Variants in MICALL1 observed in about 807,000 individuals in gnomAD.
MICALL1 encodes the protein MICAL like 1, also known as MICAL-like protein 1.
MICALL1 carries 61 observed loss-of-function variants against 83.7 expected under a neutral mutation model. That is an observed-to-expected ratio of 0.73 (90% CI 0.59 to 0.90). The LOEUF (loss-of-function observed/expected upper bound fraction) is 0.90. Ranked by LOEUF, MICALL1 falls within the 40% of genes least tolerant of loss-of-function variation. MICALL1 has a pLI of 0.00. For synonymous variants in MICALL1, 481 were observed against 473.6 expected, an observed-to-expected ratio of 1.02 and a Z score of -0.20; for missense variants, 1,066 against 1,152.0, an observed-to-expected ratio of 0.93 and a Z score of 1.08.
At chr22:37,919,281 G>GA in intron 5 of MICALL1, 103 bp downstream of exon 5, 1 of 1,330,384 alleles carries the variant, frequency 7.5e-7, no homozygotes, top group South Asian at 1.8e-5. Context: ...CTTCACACCA[G>GA]AGCCCCTGGC....
At chr22:37,917,878 C>A in intron 4 of MICALL1, 83 bp downstream of exon 4, 1 of 1,234,076 alleles carries the variant, frequency 8.1e-7, no homozygotes, top group Non-Finnish European at 1.2e-6. Flanking sequence ...GTGACTGGGT[C>A]ATGTGAGGAA....
At chr22:37,910,770 C>T (rs1928269111) in intron 1 of MICALL1, among the ~76,000 whole-genome samples, 1 of 152,058 alleles carries the variant, frequency 6.6e-6, no homozygotes, top group African/African-American at 2.4e-5. Flanking sequence ...TACCTGGCTC[C>T]CTCATATCTG....
rs1930478525 is a variant in MICALL1 at position 37,942,425 on chromosome 22, C to T, written c.*1595C>T. On this transcript the variant is annotated 3_prime_UTR_variant, in exon 16 of 16. Transcript: ENST00000215957. ...GGGCTGAATGTGGGCCCGGTGTTGC[C>T]AGATCCTTTGTCATAAGAAGCTAGA... 6.6e-6 allele frequency: 1 copy of T among 152,094 alleles called. No homozygotes were observed. Among genetic ancestry groups the T allele is most frequent in the African/African-American group, 2.4e-5 (1 of 41,394 alleles). 9.4% of individuals were successfully genotyped at this position (152,094 alleles called of 1,614,324 possible).
chr22:37,937,246 G>A (rs1930181880), intron 14 of MICALL1, 52 bp downstream of exon 14: 13 of 1,442,524 alleles, frequency 9.0e-6, no homozygotes, highest in Non-Finnish European at 1.2e-5. Context: ...AGCAGGTCAG[G>A]CTCTGGGCCT....
In MICALL1 at chr22:37,941,953, C is replaced by T. The variant is rs1930460289; in HGVS notation, c.*1123C>T. On this transcript the variant is annotated 3_prime_UTR_variant, in exon 16 of 16. Coordinates refer to ENST00000215957, the MANE Select transcript of MICALL1 (RefSeq NM_033386.4). ...TCTACACACCTCTGGGAAAAGATTA[C>T]ACTGTATTAACTCTCGAGGAGTTTC... The T allele has an allele frequency of 1.3e-5, 2 of 152,276 alleles. No homozygotes were observed. The highest frequency in any genetic ancestry group is 6.5e-5 in the Admixed American group (1 of 15,282). 9.4% of individuals were successfully genotyped at this position (152,276 alleles called of 1,614,324 possible).
rs1317513265 is a variant in MICALL1 at position 37,906,741 on chromosome 22, G to T, written c.146+173G>T. ...GGCGGGTCCCTGAGACCCCGGCCCA[G>T]GGCGCCCCTCCCCCGCCCGGCCGCC... On this transcript the variant is annotated intron_variant, in intron 1 of 15. Transcript: ENST00000215957. The surrounding 1 kb of genome is among the most constrained non-coding windows in gnomAD (Gnocchi z 4.4). 1 of 420,720 alleles carries T rather than the reference G, an allele frequency of 2.4e-6. No homozygotes were observed. Among genetic ancestry groups the T allele is most frequent in the Non-Finnish European group, 3.4e-6 (1 of 292,364 alleles). 26.1% of individuals were successfully genotyped at this position (420,720 alleles called of 1,614,324 possible). A position where few individuals can be genotyped will look rare whatever the true frequency, so the allele number is the denominator to read the frequency against.
intron 9 of MICALL1, 145 bp from the exon 10 acceptor site, chr22:37,931,654 C>A: frequency 1.1e-6 from 1 of 905,102 alleles, no homozygotes; most frequent in South Asian, 1.6e-5. Context: ...GCATCAGAGA[C>A]GGAATTCAAG....
At position 37,940,883 on chromosome 22, in the gene MICALL1, G is replaced by A. The variant is rs1930401279; in HGVS notation, c.*53G>A. The A allele has an allele frequency of 2.0e-5, 32 of 1,607,148 alleles. No individual in the cohort carries two copies. The South Asian group carries it at 3.2e-4, about 16-fold the overall frequency. On this transcript the variant is annotated 3_prime_UTR_variant, in exon 16 of 16. Transcript: ENST00000215957. ...CCCCTCCTGGAGCAGCTCCTGGGCTGTGCTCTGTTTGAAGGGGGCGCCCTG... is the reference window on the plus strand; with the variant it reads ...CCCCTCCTGGAGCAGCTCCTGGGCTATGCTCTGTTTGAAGGGGGCGCCCTG...
At chr22:37,917,237 C>T (rs879280129) in intron 3 of MICALL1, among the ~76,000 whole-genome samples, 22 of 152,098 alleles carry the variant, frequency 1.4e-4, no homozygotes, top group Non-Finnish European at 2.6e-4. Context: ...GTGTGCAGGC[C>T]GGGTTCTGGC....
At position 37,942,436 on chromosome 22, in the gene MICALL1, T is replaced by C. The variant is rs1930478863; in HGVS notation, c.*1606T>C. On this transcript the variant is annotated 3_prime_UTR_variant, in exon 16 of 16. Coordinates refer to ENST00000215957, the MANE Select transcript of MICALL1 (RefSeq NM_033386.4). ...GGGCCCGGTGTTGCCAGATCCTTTGTCATAAGAAGCTAGAAATCCAGATTT... is the reference window on the plus strand; with the variant it reads ...GGGCCCGGTGTTGCCAGATCCTTTGCCATAAGAAGCTAGAAATCCAGATTT... 6.6e-6 allele frequency: 1 copy of C among 152,008 alleles called. No homozygotes were observed. The highest frequency in any genetic ancestry group is 1.5e-5 in the Non-Finnish European group (1 of 68,022). The allele number at this position is 152,008 out of a possible 1,614,324, so 9.4% of individuals were successfully genotyped here.
Position 37,919,186 on chromosome 22 carries a change from G to A in MICALL1, c.569+8G>A. On this transcript the variant is annotated splice_region_variant and intron_variant, in intron 5 of 15. Coordinates refer to ENST00000215957, the MANE Select transcript of MICALL1 (RefSeq NM_033386.4). Reference sequence around the variant, plus strand: ...CCATCGCCACTGCTTCCGGTGAGTGGCCAGGGCCGCGTGTTACCCCCGAAA... The same window carrying A: ...CCATCGCCACTGCTTCCGGTGAGTGACCAGGGCCGCGTGTTACCCCCGAAA... 1 of 1,520,236 alleles carries A rather than the reference G, an allele frequency of 6.6e-7. No homozygotes were observed. Among genetic ancestry groups the A allele is most frequent in the Non-Finnish European group, 8.9e-7 (1 of 1,126,486 alleles). 94.2% of individuals were successfully genotyped at this position (1,520,236 alleles called of 1,614,324 possible). A position where few individuals can be genotyped will look rare whatever the true frequency, so the allele number is the denominator to read the frequency against.
At chr22:37,915,645 C>CTTTTT (rs34900801) in intron 3 of MICALL1, among the ~76,000 whole-genome samples, 2 of 133,146 alleles carry the variant, frequency 1.5e-5, no homozygotes, top group Non-Finnish European at 3.2e-5. Context: ...GATTAGTATT[C>CTTTTT]TTTTTTTTTT....
rs555950670 is a variant in MICALL1 at position 37,920,792 on chromosome 22, G to T, written c.570-1180G>T. Among the ~76,000 whole-genome samples the T allele has an allele frequency of 1.3e-5, 2 of 152,212 alleles. 1 individual carries two copies. The highest frequency in any genetic ancestry group is 4.1e-4 in the South Asian group (2 of 4,822). On this transcript the variant is annotated intron_variant, in intron 5 of 15. Transcript: ENST00000215957. ...AAAAAAATTAGCCGGGCATGGTGGT[G>T]GCAGGCGCCTGTAGTCCCAGCTACT...
At position 37,924,574 on chromosome 22, in the gene MICALL1, TG is replaced by T; in HGVS notation, c.1025-82del. 2 of 1,378,864 alleles carry T rather than the reference TG, an allele frequency of 1.5e-6. No individual in the cohort carries two copies. The highest frequency in any genetic ancestry group is 2.0e-6 in the Non-Finnish European group (2 of 986,740). The allele number at this position is 1,378,864 out of a possible 1,614,324, so 85.4% of individuals were successfully genotyped here. On this transcript the variant is annotated intron_variant, in intron 6 of 15. Coordinates refer to ENST00000215957, the MANE Select transcript of MICALL1 (RefSeq NM_033386.4). The surrounding 1 kb of genome is among the most constrained non-coding windows in gnomAD (Gnocchi z 5.2). ...TGCCAGGAGGAAGGCGGGGCGCTCCTGGGGAGGCAGGTGCTGTGGCTGGCTC... is the reference window on the plus strand; with the variant it reads ...TGCCAGGAGGAAGGCGGGGCGCTCCTGGGAGGCAGGTGCTGTGGCTGGCTC...
chr22:37,939,633 G>A (rs555733653), intron 15 of MICALL1, among the ~76,000 whole-genome samples: 88 of 152,190 alleles, frequency 5.8e-4, no homozygotes, highest in Middle Eastern at 3.4e-3. Context: ...AATTAGCCGC[G>A]CATGGCAGCG....
At chr22:37,937,643 C>G (rs1003609973) in intron 14 of MICALL1, 103 bp from the exon 15 acceptor site, 18 of 1,197,014 alleles carry the variant, frequency 1.5e-5, no homozygotes, top group Non-Finnish European at 2.0e-5. Flanking sequence ...AGGCTGATCT[C>G]GAACTCCTGA....
Position 37,919,046 on chromosome 22 carries a change from T to C in MICALL1, c.437T>C (p.Leu146Pro). ...EPEDVAQGEELSSGSLSEQGT... is the reference protein window; with the variant it reads ...EPEDVAQGEEPSSGSLSEQGT... ...CCTCGTTCTCTGCAGGGCGAGGAGC[T>C]CTCCTCAGGCAGCCTGTCAGAGCAG... is the stretch of plus-strand genomic sequence containing the variant. Residue 146 changes from leucine to proline, a missense_variant, in exon 5 of 16, where the codon CTC becomes CCC. Coordinates refer to ENST00000215957, the MANE Select transcript of MICALL1 (RefSeq NM_033386.4). 1 of 1,550,624 alleles carries C rather than the reference T, an allele frequency of 6.4e-7. No individual in the cohort carries two copies. The highest frequency in any genetic ancestry group is 8.7e-7 in the Non-Finnish European group (1 of 1,146,610).
intron 8 of MICALL1, 166 bp from the exon 9 acceptor site, chr22:37,927,245 C>CG: frequency 1.3e-6 from 1 of 785,156 alleles, no homozygotes; most frequent in Admixed American, 3.0e-5. Flanking sequence ...TCATGACTTC[C>CG]GTCCTGCCGG....
intron 1 of MICALL1, among the ~76,000 whole-genome samples, chr22:37,911,349 G>A (rs1269966435): frequency 2.0e-5 from 3 of 152,188 alleles, no homozygotes; most frequent in African/African-American, 7.2e-5. Context: ...AGGCTGGACC[G>A]GGTTGGGATG....
Sources: gnomAD v4.1 joint callset for allele counts (sites outside exome capture counted in the v4.1 genomes callset) on GRCh38, gnomAD v4.1.1 for gene constraint, Gnocchi (gnomAD v3.1) non-coding constraint, MANE v1.5 for transcripts, NCBI Gene and HGNC (gene_info 2026-07-23, HGNC 2026-07-21) for gene names.